The following EDARADD variants were observed in gnomAD, a reference collection of about 807,000 sequenced individuals.
EDARADD encodes ectodysplasin-A receptor-associated adapter protein.
Under a neutral mutation model 25.6 loss-of-function variants are expected in EDARADD, and 20 were observed. That is an observed-to-expected ratio of 0.78 (90% CI 0.55 to 1.14). The LOEUF (loss-of-function observed/expected upper bound fraction) is 1.14, where lower values mean the gene tolerates loss of function less well. EDARADD is among the 50% of genes most tolerant of loss of function. The pLI is 0.00. For synonymous variants in EDARADD, 86 were observed against 94.4 expected (o/e 0.91, Z 0.52); for missense variants, 225 against 270.1 (o/e 0.83, Z 1.17).
chr1:236,399,932 C>G (rs1012517621), intron 1 of EDARADD, among the ~76,000 whole-genome samples: 15 of 152,206 alleles, frequency 9.9e-5, no homozygotes, highest in Non-Finnish European at 1.3e-4. Flanking sequence ...CTCACTGCCC[C>G]TCCTGTGGGC....
At position 236,482,633 on chromosome 1, in the gene EDARADD, C is replaced by A; in HGVS notation, c.632C>A (p.Pro211His). 6.2e-7 allele frequency: 1 copy of A among 1,611,990 alleles called. No homozygotes were observed. Among genetic ancestry groups the A allele is most frequent in the Non-Finnish European group, 8.5e-7 (1 of 1,180,010 alleles). The part of the protein sequence containing the change: ...EEWPKRERGD[P>H]SRHF ...TGGCCCAAGCGGGAGCGTGGAGACC[C>A]CTCCAGGCACTTCTAGAGCTCTTCT... is the stretch of plus-strand genomic sequence containing the variant. Residue 211 changes from proline to histidine, a missense_variant, in exon 6 of 6, where the codon CCC becomes CAC. By Grantham distance (77) the Pro-to-His change is moderately conservative. Transcript: ENST00000334232.
At chr1:236,386,889 G>A (rs1288406825) in intron 3 of EDARADD, among the ~76,000 whole-genome samples, 6 of 63,664 alleles carry the variant, frequency 9.4e-5, no homozygotes, top group African/African-American at 1.6e-4. Flanking sequence ...CAGCCCCCCC[G>A]CCCGGCCAGC....
At chr1:236,385,137 G>A (rs561770817) in intron 3 of EDARADD, among the ~76,000 whole-genome samples, 181 of 142,202 alleles carry the variant, frequency 1.3e-3, no homozygotes, top group African/African-American at 4.4e-3. Context: ...GGCCGGGCGC[G>A]GTAGCTCACG....
chr1:236,467,806 G>C (rs530374757), intron 4 of EDARADD, among the ~76,000 whole-genome samples: 115 of 151,290 alleles, frequency 7.6e-4, no homozygotes, highest in African/African-American at 2.8e-3. Context: ...CTTTCAGGCC[G>C]AAGTACAGTG....
chr1:236,419,334 C>T (rs590921), intron 3 of EDARADD, among the ~76,000 whole-genome samples: 67,780 of 152,020 alleles, frequency 0.45, 17,451 homozygotes, highest in Non-Finnish European at 0.59. Context: ...TTCGAGGCTG[C>T]AGTGAGCTAT....
chr1:236,475,075 G>C (rs1659465641), intron 5 of EDARADD, among the ~76,000 whole-genome samples: 2 of 152,160 alleles, frequency 1.3e-5, no homozygotes, highest in Non-Finnish European at 2.9e-5. Context: ...AGAGGTTGCA[G>C]TGAGCCGAGA....
rs1659767862 is a variant in EDARADD at position 236,484,266 on chromosome 1, AT to A, written c.*1618del. The A allele has an allele frequency of 7.3e-6, 7 of 960,958 alleles. No individual in the cohort carries two copies. The highest frequency in any genetic ancestry group is 2.1e-4 in the Middle Eastern group (1 of 4,720). 59.5% of individuals were successfully genotyped at this position (960,958 alleles called of 1,614,324 possible). ...GGCCCAGGCCAATGGTTGGTGTGTC[AT>A]GGTGCCTCATCATTCTGGGGAGACT... On this transcript the variant is annotated 3_prime_UTR_variant, in exon 6 of 6. Coordinates refer to ENST00000334232, the MANE Select transcript of EDARADD (RefSeq NM_145861.4). The surrounding 1 kb of genome is among the most constrained non-coding windows in gnomAD (Gnocchi z 4.1).
chr1:236,393,160 T>C (rs1241975300), upstream of EDARADD, among the ~76,000 whole-genome samples: 1 of 152,262 alleles, frequency 6.6e-6, no homozygotes, highest in East Asian at 1.9e-4. Flanking sequence ...TTTGGTTTCT[T>C]ACTTAATGTA....
At chr1:236,397,883 T>C (rs1395311409) in intron 1 of EDARADD, among the ~76,000 whole-genome samples, 5 of 152,162 alleles carry the variant, frequency 3.3e-5, no homozygotes, top group African/African-American at 1.2e-4. Flanking sequence ...ACATATTGTT[T>C]CGTTTCTGCA....
Position 236,484,325 on chromosome 1 carries a change from GCT to G in EDARADD, c.*1677_*1678del. ...CCTTCATCACTGACCTGGTGGTGGG[GCT>G]GTGACCTGGGCAGCTCAAGACTGGT... On this transcript the variant is annotated 3_prime_UTR_variant, in exon 6 of 6. Coordinates refer to ENST00000334232, the MANE Select transcript of EDARADD (RefSeq NM_145861.4). The surrounding 1 kb of genome is among the most constrained non-coding windows in gnomAD (Gnocchi z 4.1). The G allele has an allele frequency of 1.6e-6, 2 of 1,239,538 alleles. No homozygotes were observed. The highest frequency in any genetic ancestry group is 3.4e-5 in the Admixed American group (2 of 59,066). The allele number at this position is 1,239,538 out of a possible 1,614,324, so 76.8% of individuals were successfully genotyped here.
chr1:236,388,743 A>G (rs1667386577), intron 3 of EDARADD, among the ~76,000 whole-genome samples: 1 of 152,188 alleles, frequency 6.6e-6, no homozygotes, highest in African/African-American at 2.4e-5. Flanking sequence ...TTCACTTATT[A>G]GTTCTAATAG....
At chr1:236,423,003 T>C (rs668490) in intron 3 of EDARADD, among the ~76,000 whole-genome samples, 67,784 of 152,024 alleles carry the variant, frequency 0.45, 17,452 homozygotes, top group Non-Finnish European at 0.59. Flanking sequence ...GAACAGGGCC[T>C]GGGAGGGCAG....
At chr1:236,415,379 G>A (rs1467550802) in intron 3 of EDARADD, among the ~76,000 whole-genome samples, 1 of 152,154 alleles carries the variant, frequency 6.6e-6, no homozygotes, top group East Asian at 1.9e-4. Context: ...CAGACCATAG[G>A]GGTGGCTAGA....
At chr1:236,424,150 G>T (rs1447498843) in intron 3 of EDARADD, among the ~76,000 whole-genome samples, 3 of 128,308 alleles carry the variant, frequency 2.3e-5, no homozygotes, top group South Asian at 2.7e-4. Context: ...CCACTGTGAA[G>T]CATCTTTTTT....
intron 4 of EDARADD, among the ~76,000 whole-genome samples, chr1:236,465,723 A>G (rs529161332): frequency 6.6e-6 from 1 of 152,166 alleles, no homozygotes; most frequent in Non-Finnish European, 1.5e-5. Flanking sequence ...GGGTTTTTAC[A>G]TATTAGCTGC....
intron 4 of EDARADD, among the ~76,000 whole-genome samples, chr1:236,435,079 TAC>T: frequency 6.6e-6 from 1 of 152,148 alleles, no homozygotes; most frequent in Non-Finnish European, 1.5e-5. Context: ...CAGCACTAGG[TAC>T]TGTGCTTAGG....
intron 3 of EDARADD, among the ~76,000 whole-genome samples, chr1:236,363,006 A>AAATATAT (rs1377112051): frequency 7.0e-5 from 3 of 42,948 alleles, no homozygotes; most frequent in African/African-American, 1.1e-4. Flanking sequence ...AAAAAAAAAA[A>AAATATAT]ATATATATAT....
At chr1:236,465,701 A>G (rs561867317) in intron 4 of EDARADD, among the ~76,000 whole-genome samples, 4 of 152,258 alleles carry the variant, frequency 2.6e-5, no homozygotes, top group Admixed American at 2.0e-4. Context: ...TTGTCTATGC[A>G]TTGCAATATG....
chr1:236,383,781 G>T (rs942878922), intron 3 of EDARADD, among the ~76,000 whole-genome samples: 3 of 151,822 alleles, frequency 2.0e-5, no homozygotes, highest in African/African-American at 7.3e-5. Flanking sequence ...AGGTGGGAGG[G>T]TCATTTGGGG....
Sources: gnomAD v4.1 joint callset for allele counts (sites outside exome capture counted in the v4.1 genomes callset) on GRCh38, gnomAD v4.1.1 for gene constraint, Gnocchi (gnomAD v3.1) non-coding constraint, MANE v1.5 for transcripts, NCBI Gene and HGNC (gene_info 2026-07-23, HGNC 2026-07-21) for gene names.